The following CLASP1 variants were observed in gnomAD, a reference collection of about 807,000 sequenced individuals.
The protein encoded by CLASP1 is cytoplasmic linker associated protein 1.
A neutral mutation model predicts 192.3 loss-of-function variants in CLASP1; 38 were observed. That is an observed-to-expected ratio of 0.20 (90% confidence interval 0.15 to 0.26). CLASP1 has a LOEUF of 0.26. Ranked by LOEUF, CLASP1 falls within the 10% of genes least tolerant of loss-of-function variation. The pLI is 1.00. For synonymous variants in CLASP1, 691 were observed against 712.8 expected, an observed-to-expected ratio of 0.97 and a Z score of 0.49; for missense variants, 1,433 against 1,932.5, an observed-to-expected ratio of 0.74 and a Z score of 4.85.
chr2:121,382,383 AGGAG>A, intron 32 of CLASP1, 59 bp from the exon 34 acceptor site: 1 of 1,083,810 alleles, frequency 9.2e-7, no homozygotes, highest in Non-Finnish European at 1.3e-6. Context: ...AGGGGAGGGG[AGGAG>A]GAAAGCACTA....
In CLASP1 at chr2:121,525,827, G is replaced by C. The variant is rs770584277; in HGVS notation, c.546+18C>G. On this transcript the variant is annotated intron_variant, in intron 6 of 39. Coordinates refer to ENST00000263710, the Ensembl canonical transcript of CLASP1. ...CTGTAAGCAATGACTTCTCCCGAGG[G>C]TTTTCCTTCTCACTCACCTGGCTGT... 6.9e-6 allele frequency: 11 copies of C among 1,591,670 alleles called. No homozygotes were observed. In the East Asian group the frequency reaches 2.5e-4, roughly 36 times the overall value.
intron 30 of CLASP1, among the ~76,000 whole-genome samples, chr2:121,390,861 G>T (rs2149400760): frequency 6.6e-6 from 1 of 151,916 alleles, no homozygotes; most frequent in Middle Eastern, 3.4e-3. Flanking sequence ...TGTTGCCCAG[G>T]CTGGAGTACA....
At chr2:121,423,455 CAAG>C (rs1574629293) in intron 22 of CLASP1, among the ~76,000 whole-genome samples, 1 of 151,732 alleles carries the variant, frequency 6.6e-6, no homozygotes, top group East Asian at 1.9e-4. Context: ...TTCCCAATTT[CAAG>C]AAGAAGATTA....
At chr2:121,539,936 G>A (rs371125281) in intron 2 of CLASP1, among the ~76,000 whole-genome samples, 8 of 152,166 alleles carry the variant, frequency 5.3e-5, no homozygotes, top group Admixed American at 6.5e-5. Flanking sequence ...TGGCTAAAAC[G>A]GAAAAAGACC....
At position 121,530,672 on chromosome 2, in the gene CLASP1, G is replaced by A. The variant is rs1559531588; in HGVS notation, c.196-347C>T. 13 of 511,490 alleles carry A rather than the reference G, an allele frequency of 2.5e-5. No homozygotes were observed. The South Asian group carries it at 4.0e-4, about 16-fold the overall frequency. 31.7% of individuals were successfully genotyped at this position (511,490 alleles called of 1,614,324 possible). A position where few individuals can be genotyped will look rare whatever the true frequency, so the allele number is the denominator to read the frequency against. The stretch of plus-strand genomic sequence containing the variant: ...AGCGTATGCAAATTTTCGAGCGGCC[G>A]ACGCGCGGTCTTCTGGGTAAAACCG... On this transcript the variant is annotated intron_variant, in intron 2 of 39. Coordinates refer to ENST00000263710, the Ensembl canonical transcript of CLASP1.
chr2:121,551,462 G>A (rs984370539), intron 2 of CLASP1, among the ~76,000 whole-genome samples: 1 of 152,030 alleles, frequency 6.6e-6, no homozygotes, highest in Non-Finnish European at 1.5e-5. Context: ...CACAGTCTCG[G>A]CCCAAAAGCT....
intron 28 of CLASP1, among the ~76,000 whole-genome samples, chr2:121,398,881 G>C (rs1181322188): frequency 6.6e-6 from 1 of 152,226 alleles, no homozygotes; most frequent in Non-Finnish European, 1.5e-5. Flanking sequence ...AAGAATGCCT[G>C]TGAGATGGCG....
chr2:121,408,022 G>C (rs2077174046), intron 24 of CLASP1, among the ~76,000 whole-genome samples: 1 of 152,200 alleles, frequency 6.6e-6, no homozygotes, highest in South Asian at 2.1e-4. Context: ...CATGACTTCT[G>C]AAAGCCTCCT....
At chr2:121,631,910 G>T (rs2069738679) in intron 1 of CLASP1, among the ~76,000 whole-genome samples, 1 of 152,014 alleles carries the variant, frequency 6.6e-6, no homozygotes, top group Non-Finnish European at 1.5e-5. Flanking sequence ...AGCTGGGCGT[G>T]GTGGCGTGCC....
chr2:121,592,476 T>G (rs930808684), intron 2 of CLASP1, among the ~76,000 whole-genome samples: 5 of 152,224 alleles, frequency 3.3e-5, no homozygotes, highest in Admixed American at 2.0e-4. Flanking sequence ...TTGTGATAAC[T>G]ATCAAAATAT....
chr2:121,492,133 T>C (rs2093335739), intron 8 of CLASP1, among the ~76,000 whole-genome samples: 1 of 152,192 alleles, frequency 6.6e-6, no homozygotes, highest in African/African-American at 2.4e-5. Flanking sequence ...CTCACGCCTG[T>C]AATCCCAGCA....
At chr2:121,610,961 A>AGGAGTT (rs2065314126) in intron 1 of CLASP1, among the ~76,000 whole-genome samples, 2 of 148,112 alleles carry the variant, frequency 1.4e-5, no homozygotes, top group East Asian at 2.0e-4. Flanking sequence ...CTGGAGGAGG[A>AGGAGTT]GGAGGAGTTA....
intron 37 of CLASP1, among the ~76,000 whole-genome samples, chr2:121,358,679 T>C (rs1265909431): frequency 6.6e-6 from 1 of 152,252 alleles, no homozygotes; most frequent in African/African-American, 2.4e-5. Flanking sequence ...TGGTCTGATT[T>C]TGCCATTTTA....
intron 28 of CLASP1, among the ~76,000 whole-genome samples, chr2:121,398,928 G>C (rs2075729457): frequency 6.6e-6 from 1 of 152,208 alleles, no homozygotes; most frequent in African/African-American, 2.4e-5. Flanking sequence ...ATCACACACA[G>C]AAGCCTGGGG....
At chr2:121,624,416 T>C (rs945977265) in intron 1 of CLASP1, among the ~76,000 whole-genome samples, 4 of 152,118 alleles carry the variant, frequency 2.6e-5, no homozygotes, top group Non-Finnish European at 5.9e-5. Context: ...TTTCTTCTTC[T>C]TCTTGTTTTT....
Position 121,367,936 on chromosome 2 carries a change from T to C in CLASP1, c.3643-105A>G. The C allele has an allele frequency of 2.8e-6, 4 of 1,449,526 alleles. No individual in the cohort carries two copies. The East Asian group carries it at 6.9e-5, about 25-fold the overall frequency. The allele number at this position is 1,449,526 out of a possible 1,614,324, so 89.8% of individuals were successfully genotyped here. On this transcript the variant is annotated intron_variant, in intron 34 of 39. Transcript: ENST00000263710. The stretch of plus-strand genomic sequence containing the variant: ...GCCAGAGATTTTCACTTGAAATATG[T>C]ATGGCCAGTGACAAAAGGACAGCTA...
chr2:121,607,486 T>A (rs993302627), intron 1 of CLASP1, among the ~76,000 whole-genome samples: 1 of 152,222 alleles, frequency 6.6e-6, no homozygotes, highest in South Asian at 2.1e-4. Flanking sequence ...ATACATGATA[T>A]GAGAAAAGTA....
At chr2:121,595,915 T>C (rs974237506) in intron 2 of CLASP1, among the ~76,000 whole-genome samples, 1 of 152,242 alleles carries the variant, frequency 6.6e-6, no homozygotes. Flanking sequence ...TGGGCTTATA[T>C]ACATGGGCTT....
intron 1 of CLASP1, among the ~76,000 whole-genome samples, chr2:121,618,312 A>T (rs2106072882): frequency 6.6e-6 from 1 of 152,370 alleles, no homozygotes; most frequent in African/African-American, 2.4e-5. Context: ...TGGCAGTCAT[A>T]AGTTGAGTTC....
Sources: gnomAD v4.1 joint callset for allele counts (sites outside exome capture counted in the v4.1 genomes callset) on GRCh38, gnomAD v4.1.1 for gene constraint, MANE v1.5 for transcripts, NCBI Gene and HGNC (gene_info 2026-07-23, HGNC 2026-07-21) for gene names.